EYS: variants seen among roughly 807,000 people sequenced by gnomAD.
EYS encodes the protein protein eyes shut homolog.
In EYS, 250 loss-of-function variants were observed where a neutral mutation model predicts 282.1. That is an observed-to-expected ratio of 0.89 (90% CI 0.80 to 0.98). The LOEUF is 0.98. Ranked by LOEUF, EYS falls within the 50% of genes least tolerant of loss-of-function variation. The pLI is 0.00. For missense variants in EYS, 4,016 were observed against 3,709.0 expected, an observed-to-expected ratio of 1.08 and a Z score of -2.15; for synonymous variants, 1,355 against 1,282.9, an observed-to-expected ratio of 1.06 and a Z score of -1.20.
intron 22 of EYS, among the ~76,000 whole-genome samples, chr6:64,705,030 A>C (rs1770954357): frequency 6.6e-6 from 1 of 152,188 alleles, no homozygotes; most frequent in Non-Finnish European, 1.5e-5. Flanking sequence ...GAGGAAGTCA[A>C]ACTGTTGCTG....
chr6:64,369,506 A>T (rs1028561200), intron 29 of EYS, among the ~76,000 whole-genome samples: 2 of 152,112 alleles, frequency 1.3e-5, no homozygotes, highest in African/African-American at 4.8e-5. Context: ...AGGCAGTATG[A>T]CCACTTTCAC....
rs61516922 is a variant in EYS, at chr6:64,792,857, C to CGTGTGTGTGTGTGTGTGT, written c.3443+20503_3443+20520dup. Reference sequence around the variant, plus strand: ...GTTTTAATTTCATACGATCTTGACACGTGTGTGTGTGTGTGTGTGTTAGAT... The same window carrying CGTGTGTGTGTGTGTGTGT: ...GTTTTAATTTCATACGATCTTGACACGTGTGTGTGTGTGTGTGTGTGTGTGTGTGTGTGTGTGTTAGAT... On this transcript the variant is annotated intron_variant, in intron 22 of 42. Coordinates refer to ENST00000503581, the MANE Select transcript of EYS (RefSeq NM_001142800.2). 7.1e-3 allele frequency among the ~76,000 whole-genome samples: 1,049 copies of CGTGTGTGTGTGTGTGTGT among 148,414 alleles called. 10 individuals carry two copies. The highest frequency in any genetic ancestry group is 0.028 in the Middle Eastern group (8 of 288).
chr6:64,009,565 C>T (rs1258871461), intron 33 of EYS, among the ~76,000 whole-genome samples: 2 of 152,084 alleles, frequency 1.3e-5, no homozygotes, highest in African/African-American at 4.8e-5. Context: ...ATTACAAGCG[C>T]GAGCCACTTC....
At chr6:64,896,786 G>C (rs1767486932) in intron 18 of EYS, among the ~76,000 whole-genome samples, 1 of 152,052 alleles carries the variant, frequency 6.6e-6, no homozygotes, top group Non-Finnish European at 1.5e-5. Flanking sequence ...TGCCATTATT[G>C]AGGTTTGAGT....
At chr6:64,085,331 C>CGT (rs755842886) in intron 31 of EYS, among the ~76,000 whole-genome samples, 88 of 123,650 alleles carry the variant, frequency 7.1e-4, no homozygotes, top group Non-Finnish European at 1.1e-3. Context: ...CGCGTGCGCA[C>CGT]GTGCGCGCGC....
chr6:65,130,965 TAAAC>T (rs567050367), intron 12 of EYS, among the ~76,000 whole-genome samples: 7 of 151,444 alleles, frequency 4.6e-5, no homozygotes, highest in South Asian at 2.1e-4. Flanking sequence ...TTGACAGAAA[TAAAC>T]TATTTGGGAC....
intron 26 of EYS, among the ~76,000 whole-genome samples, chr6:64,529,153 G>T (rs754781538): frequency 1.6e-4 from 25 of 151,968 alleles, no homozygotes; most frequent in Non-Finnish European, 3.5e-4. Flanking sequence ...TATGTACAAA[G>T]AAGGCTCTGA....
chr6:65,168,099 G>T (rs1765018600), intron 12 of EYS, among the ~76,000 whole-genome samples: 1 of 151,122 alleles, frequency 6.6e-6, no homozygotes, highest in Admixed American at 6.6e-5. Flanking sequence ...TGTTCAAATT[G>T]TCCTTTTTCC....
chr6:65,306,090 T>TTG (rs551670341), intron 11 of EYS, among the ~76,000 whole-genome samples: 351 of 152,304 alleles, frequency 2.3e-3, no homozygotes, highest in African/African-American at 8.2e-3. Context: ...AATAATAGTC[T>TTG]TGAAAGGAGA....
chr6:63,812,713 C>G (rs138013401), intron 36 of EYS, among the ~76,000 whole-genome samples: 1 of 152,050 alleles, frequency 6.6e-6, no homozygotes, highest in Non-Finnish European at 1.5e-5. Flanking sequence ...CTAGTATCTT[C>G]ACAACTCTGT....
At chr6:64,151,199 A>G (rs901030973) in intron 31 of EYS, among the ~76,000 whole-genome samples, 2 of 150,752 alleles carry the variant, frequency 1.3e-5, no homozygotes, top group African/African-American at 4.9e-5. Context: ...ACTCTGCTGC[A>G]TTTAAAAATA....
At chr6:64,343,331 AAAG>A (rs1771214427) in intron 29 of EYS, among the ~76,000 whole-genome samples, 1 of 152,032 alleles carries the variant, frequency 6.6e-6, no homozygotes, top group Admixed American at 6.6e-5. Context: ...AGCAAATGTA[AAAG>A]AACAGAAATT....
chr6:64,090,844 T>A (rs1562195400), intron 31 of EYS, among the ~76,000 whole-genome samples: 1 of 152,216 alleles, frequency 6.6e-6, no homozygotes, highest in African/African-American at 2.4e-5. Flanking sequence ...AATGCCATCT[T>A]CTTCTGCCTG....
chr6:63,806,310 C>A lies in EYS; in HGVS notation c.7291G>T (p.Ala2431Ser). The A allele has an allele frequency of 6.4e-7, 1 of 1,551,520 alleles. No individual in the cohort carries two copies. Among genetic ancestry groups the A allele is most frequent in the Non-Finnish European group, 8.7e-7 (1 of 1,146,842 alleles). Reference sequence around the variant, plus strand: ...CTGATGTCTGAGATCCGTGAATAAGCCAGGAATGAGGTGTATCCAAAGGCA... The same window carrying A: ...CTGATGTCTGAGATCCGTGAATAAGACAGGAATGAGGTGTATCCAAAGGCA... ...TDAFGYTSFL[A>S]YSRISDISFH... is the part of the protein sequence containing the mutation. The change falls in exon 37 of 43, where the codon GCT becomes TCT. Residue 2431 changes from alanine to serine, a missense_variant. Ala to Ser is a moderately conservative substitution (Grantham distance 99). Coordinates refer to ENST00000503581, the MANE Select transcript of EYS (RefSeq NM_001142800.2).
chr6:64,209,163 C>T (rs182334802), intron 31 of EYS, among the ~76,000 whole-genome samples: 65 of 152,152 alleles, frequency 4.3e-4, no homozygotes, highest in African/African-American at 1.5e-3. Flanking sequence ...AAAGCCACTC[C>T]ATAAGGTGAT....
rs756552382 is a variant in EYS, at chr6:65,344,097, C to T, written c.1540G>A (p.Val514Met). ...AANCTEDATY[V>M]NDPEDNNSSC... ...GAATTATTATCTTCAGGATCGTTCA[C>T]ATAGGTTGCATCTTCAGTGCAGTTT... is the stretch of plus-strand genomic sequence containing the variant. Residue 514 changes from valine (V) to methionine (M), a missense_variant, in exon 10 of 43, where the codon GTG (valine) becomes ATG (methionine). Physicochemically the swap from Val to Met is conservative, Grantham distance 21. Transcript: ENST00000503581. 19 of 1,610,606 alleles carry T rather than the reference C, an allele frequency of 1.2e-5. No homozygotes were observed. Among genetic ancestry groups the T allele is most frequent in the Admixed American group, 1.7e-5 (1 of 59,656 alleles).
rs561413416 is a variant in EYS at position 64,390,714 on chromosome 6, C to T, written c.5928-1874G>A. On this transcript the variant is annotated intron_variant, in intron 28 of 42. Coordinates refer to ENST00000503581, the MANE Select transcript of EYS (RefSeq NM_001142800.2). ...AAACTGGAAACTCTAAAAAGCAGAGCGCCTCTCCTCCTCCAAAGGAACGCA... is the reference window on the plus strand; with the variant it reads ...AAACTGGAAACTCTAAAAAGCAGAGTGCCTCTCCTCCTCCAAAGGAACGCA... Among the ~76,000 whole-genome samples, 646 of 150,718 alleles carry T rather than the reference C, an allele frequency of 4.3e-3. 5 individuals are homozygous for T. Among genetic ancestry groups the T allele is most frequent in the African/African-American group, 0.013 (518 of 40,750 alleles).
chr6:64,967,984 G>T (rs1287530248), intron 14 of EYS, among the ~76,000 whole-genome samples: 6 of 152,154 alleles, frequency 3.9e-5, no homozygotes, highest in Non-Finnish European at 8.8e-5. Context: ...CTAGAACTCA[G>T]CAGAAAGAAG....
intron 15 of EYS, 72 bp from the exon 16 acceptor site, chr6:64,912,815 T>C: frequency 1.1e-6 from 1 of 903,112 alleles, no homozygotes; most frequent in Non-Finnish European, 1.6e-6. Context: ...TTTTAATTAC[T>C]CCCTTGAACT....
Sources: gnomAD v4.1 joint callset for allele counts (sites outside exome capture counted in the v4.1 genomes callset) on GRCh38, gnomAD v4.1.1 for gene constraint, MANE v1.5 for transcripts, NCBI Gene and HGNC (gene_info 2026-07-23, HGNC 2026-07-21) for gene names.